The following RBBP4 variants were observed in gnomAD, a reference collection of about 807,000 sequenced individuals.
RBBP4 encodes histone-binding protein RBBP4.
In RBBP4, 3 loss-of-function variants were observed where a neutral mutation model predicts 57.2. The ratio of observed to expected loss-of-function variants is 0.05; its 90% CI spans 0.02 to 0.14. The LOEUF is 0.14. Ranked by LOEUF, RBBP4 falls within the 10% of genes least tolerant of loss-of-function variation. RBBP4 has a pLI of 1.00. For missense variants in RBBP4, 107 were observed against 520.6 expected (o/e 0.21, Z 7.73); for synonymous variants, 151 against 171.5 (o/e 0.88, Z 0.93).
rs764912299 is a variant in RBBP4 at position 32,684,207 on chromosome 1, C to T, written c.*4502C>T. 2.5e-6 allele frequency: 4 copies of T among 1,609,558 alleles called. No individual in the cohort carries two copies. Among genetic ancestry groups the T allele is most frequent in the Non-Finnish European group, 3.4e-6 (4 of 1,176,388 alleles). ...GTAAAATTTTCCCTAAGCCCTCCCACCATCCCCTCAGCCAGTATTAGATGA... is the reference window on the plus strand; with the variant it reads ...GTAAAATTTTCCCTAAGCCCTCCCATCATCCCCTCAGCCAGTATTAGATGA... On this transcript the variant is annotated 3_prime_UTR_variant, in exon 12 of 12. Coordinates refer to ENST00000373493, the MANE Select transcript of RBBP4 (RefSeq NM_005610.3).
At chr1:32,674,629 C>T (rs1387064885) in intron 11 of RBBP4, among the ~76,000 whole-genome samples, 1 of 151,172 alleles carries the variant, frequency 6.6e-6, no homozygotes, top group East Asian at 1.9e-4. Context: ...AGATCTAGTA[C>T]CAGGAATTAA....
chr1:32,651,533 GC>G, intron 1 of RBBP4: 1 of 1,288,946 alleles, frequency 7.8e-7, no homozygotes, highest in Non-Finnish European at 1.0e-6. Flanking sequence ...CAGCGGTGGG[GC>G]CCCCGGCCAG....
chr1:32,676,102 G>C (rs1422830547), intron 11 of RBBP4, among the ~76,000 whole-genome samples: 1 of 152,042 alleles, frequency 6.6e-6, no homozygotes, highest in Admixed American at 6.6e-5. Flanking sequence ...TTGAGGCCAG[G>C]AGTTTGAGGC....
At chr1:32,664,616 CTAATTTTTG>C (rs1244564889) in intron 3 of RBBP4, among the ~76,000 whole-genome samples, 4 of 152,192 alleles carry the variant, frequency 2.6e-5, no homozygotes, top group African/African-American at 7.2e-5. Flanking sequence ...CCATGCCCAG[CTAATTTTTG>C]TATTTTTAGT....
At position 32,680,916 on chromosome 1, in the gene RBBP4, A is replaced by G. The variant is rs1649393061; in HGVS notation, c.*1211A>G. 5.2e-6 allele frequency: 1 copy of G among 194,076 alleles called. No homozygotes were observed. Among genetic ancestry groups the G allele is most frequent in the South Asian group, 1.8e-4 (1 of 5,418 alleles). 12.0% of individuals were successfully genotyped at this position (194,076 alleles called of 1,614,324 possible). Reference sequence around the variant, plus strand: ...TTGAAGTCTATCTGTAGAGAACTACATGGACTTCCAAGAGTGTCAAAGGCA... The same window carrying G: ...TTGAAGTCTATCTGTAGAGAACTACGTGGACTTCCAAGAGTGTCAAAGGCA... On this transcript the variant is annotated 3_prime_UTR_variant, in exon 12 of 12. Coordinates refer to ENST00000373493, the MANE Select transcript of RBBP4 (RefSeq NM_005610.3).
intron 3 of RBBP4, among the ~76,000 whole-genome samples, chr1:32,667,538 C>G (rs2148525486): frequency 6.6e-6 from 1 of 152,314 alleles, no homozygotes; most frequent in South Asian, 2.1e-4. Flanking sequence ...GTAGTGGTCC[C>G]CCAGGCTCAG....
rs141046955 is a variant in RBBP4, at chr1:32,674,557, G to A, written c.1212+1656G>A. On this transcript the variant is annotated intron_variant, in intron 11 of 11. Coordinates refer to ENST00000373493, the MANE Select transcript of RBBP4 (RefSeq NM_005610.3). Reference sequence around the variant, plus strand: ...CTTTTTTTTGTTTTTAAAGAAGTGCGTAACTTGGTGGTTGTCTGGTAAAGG... The same window carrying A: ...CTTTTTTTTGTTTTTAAAGAAGTGCATAACTTGGTGGTTGTCTGGTAAAGG... Among the ~76,000 whole-genome samples, 388 of 151,452 alleles carry A rather than the reference G, an allele frequency of 2.6e-3. 6 individuals are homozygous for A. Among genetic ancestry groups the A allele is most frequent in the Non-Finnish European group, 3.3e-3 (221 of 67,886 alleles).
At position 32,668,283 on chromosome 1, in the gene RBBP4, T is replaced by C. The variant is rs756397937; in HGVS notation, c.369T>C (p.His123=). ...TTGAAATAGAAATCAAGATCAACCA[T>C]GAAGGAGAAGTAAACAGGGCCCGTT... ...GKIEIEIKIN[H]EGEVNRARYM... Residue 123 remains histidine, a synonymous_variant, in exon 4 of 12, where the codon CAT becomes CAC. Coordinates refer to ENST00000373493, the MANE Select transcript of RBBP4 (RefSeq NM_005610.3). The C allele has an allele frequency of 3.1e-6, 5 of 1,612,896 alleles. No individual in the cohort carries two copies. The highest frequency in any genetic ancestry group is 1.3e-5 in the African/African-American group (1 of 74,900).
At chr1:32,679,565 G>A in intron 11 of RBBP4, 75 bp from the exon 12 acceptor site, 1 of 1,339,254 alleles carries the variant, frequency 7.5e-7, no homozygotes. Flanking sequence ...TGGCTTCCTG[G>A]CCTAATCTGT....
chr1:32,656,288 G>A (rs1221052641), intron 2 of RBBP4, among the ~76,000 whole-genome samples: 1 of 152,024 alleles, frequency 6.6e-6, no homozygotes, highest in African/African-American at 2.4e-5. Flanking sequence ...TCCGCCTTTC[G>A]GGTTCAAGCG....
intron 3 of RBBP4, among the ~76,000 whole-genome samples, chr1:32,660,948 T>G (rs1385483416): frequency 6.6e-6 from 1 of 152,182 alleles, no homozygotes; most frequent in Admixed American, 6.6e-5. Context: ...TAGCTGGGAT[T>G]GCAGGCATGC....
Position 32,679,385 on chromosome 1 carries a change from G to C in RBBP4, c.1213-255G>C, listed in dbSNP as rs529116301. Among the ~76,000 whole-genome samples the C allele has an allele frequency of 3.9e-5, 6 of 152,324 alleles. No homozygotes were observed. The East Asian group carries it at 1.2e-3, about 29-fold the overall frequency. On this transcript the variant is annotated intron_variant, in intron 11 of 11. Coordinates refer to ENST00000373493, the MANE Select transcript of RBBP4 (RefSeq NM_005610.3). ...TAGTATCCACACTGCAGTTTTGTGG[G>C]AATGTCCTAATCAGGCGTCTGGGGA... is the stretch of plus-strand genomic sequence containing the variant.
At chr1:32,655,959 T>G (rs1342878569) in intron 2 of RBBP4, among the ~76,000 whole-genome samples, 5 of 152,014 alleles carry the variant, frequency 3.3e-5, no homozygotes, top group Admixed American at 6.6e-5. Flanking sequence ...GGGTCTGGAG[T>G]AGATGTGAGA....
In RBBP4 at chr1:32,657,485, G is replaced by T. The variant is rs1382702864; in HGVS notation, c.223G>T (p.Glu75Ter). Residue 75 changes from glutamate (E) to a stop codon, truncating the protein, a stop_gained, in exon 3 of 12, where the codon GAA becomes TAA. Transcript: ENST00000373493. LOFTEE classifies it high-confidence loss of function. ...TGTCCTGGGGACACACACATCGGAT[G>T]AACAAAACCATCTTGTTATAGCCAG... Reference protein sequence around the residue: ...RLVLGTHTSDEQNHLVIASVQ... With the variant: ...RLVLGTHTSD 1 of 1,614,024 alleles carries T rather than the reference G, an allele frequency of 6.2e-7. No individual in the cohort carries two copies. The highest frequency in any genetic ancestry group is 1.7e-5 in the Admixed American group (1 of 60,014).
chr1:32,673,926 A>G (rs950810151), intron 11 of RBBP4, among the ~76,000 whole-genome samples: 2 of 152,016 alleles, frequency 1.3e-5, no homozygotes, highest in East Asian at 2.0e-4. Flanking sequence ...GTGAAACCCC[A>G]TCTGTACTAA....
At chr1:32,660,433 T>TTATTTATTTTTG (rs1648353132) in intron 3 of RBBP4, among the ~76,000 whole-genome samples, 1 of 152,102 alleles carries the variant, frequency 6.6e-6, no homozygotes, top group African/African-American at 2.4e-5. Context: ...TTTATTTTTT[T>TTATTTATTTTTG]TGAGTCGGAG....
chr1:32,673,245 T>A (rs1194800100), intron 11 of RBBP4, among the ~76,000 whole-genome samples: 2 of 152,178 alleles, frequency 1.3e-5, no homozygotes, highest in Non-Finnish European at 2.9e-5. Flanking sequence ...TAGTTCTAGT[T>A]CACTTCCAGA....
Position 32,681,754 on chromosome 1 carries a change from C to G in RBBP4, c.*2049C>G. On this transcript the variant is annotated 3_prime_UTR_variant, in exon 12 of 12. Transcript: ENST00000373493. The stretch of plus-strand genomic sequence containing the variant: ...AATTGCTTGCCAAGTTTCTGGCACT[C>G]TTGTCTGGTTGGAAGAGTACATCCA... 6.2e-7 allele frequency: 1 copy of G among 1,606,400 alleles called. No homozygotes were observed. Among genetic ancestry groups the G allele is most frequent in the Non-Finnish European group, 8.5e-7 (1 of 1,174,110 alleles).
At chr1:32,678,771 G>C (rs927887693) in intron 11 of RBBP4, among the ~76,000 whole-genome samples, 2 of 151,056 alleles carry the variant, frequency 1.3e-5, no homozygotes, top group Admixed American at 6.6e-5. Context: ...TGTATTTGTA[G>C]TAGAGATGCA....
Sources: gnomAD v4.1 joint callset for allele counts (sites outside exome capture counted in the v4.1 genomes callset) on GRCh38, gnomAD v4.1.1 for gene constraint, MANE v1.5 for transcripts, NCBI Gene and HGNC (gene_info 2026-07-23, HGNC 2026-07-21) for gene names.